Variants in PCGF2 observed in about 807,000 individuals in gnomAD.
The protein encoded by PCGF2 is polycomb group RING finger protein 2.
A neutral mutation model predicts 36.1 loss-of-function variants in PCGF2; 8 were observed. That is an observed-to-expected ratio of 0.22 (90% CI 0.13 to 0.40). The LOEUF (loss-of-function observed/expected upper bound fraction) is 0.40. PCGF2 is among the 10% of genes least tolerant of loss of function. The probability of loss-of-function intolerance (pLI) is 1.00; values close to 1 mark genes in which losing one functional copy is unlikely to be tolerated. For missense variants in PCGF2, 436 were observed against 475.9 expected (o/e 0.92, Z 0.78); for synonymous variants, 198 against 191.2 (o/e 1.04, Z -0.29).
At chr17:38,749,408 A>G (rs893356527), upstream of PCGF2, 28 of 308,060 alleles carry the variant, frequency 9.1e-5, no homozygotes, top group Non-Finnish European at 1.7e-4. The surrounding 1 kb of genome is among the most constrained non-coding windows in gnomAD (Gnocchi z 6.5). Context: ...GGAGGGAGAG[A>G]ACGAGGAGGG....
upstream of PCGF2, among the ~76,000 whole-genome samples, chr17:38,748,618 T>C (rs1328450504): frequency 6.6e-6 from 1 of 152,062 alleles, no homozygotes; most frequent in Non-Finnish European, 1.5e-5. Context: ...GATTCTCTTA[T>C]GTTACCTTCC....
upstream of PCGF2, among the ~76,000 whole-genome samples, chr17:38,749,065 G>C (rs1907750532): frequency 6.6e-6 from 1 of 152,150 alleles, no homozygotes; most frequent in Admixed American, 6.5e-5. This position sits in a 1 kb window ranked among gnomAD's most constrained non-coding sequence, Gnocchi z 6.5. Flanking sequence ...GGCGGAGGCT[G>C]CGCCCCCGGC....
At position 38,735,214 on chromosome 17, in the gene PCGF2, T is replaced by G. The variant is rs377749543; in HGVS notation, c.*9A>C. On this transcript the variant is annotated 3_prime_UTR_variant, in exon 11 of 11. Transcript: ENST00000620225. The stretch of plus-strand genomic sequence containing the variant: ...GGCTTGGCTGGAAGAAGGGAGAGGG[T>G]CCCTGGCCTCAAGTTAAGGGGGGCA... 2 of 1,396,522 alleles carry G rather than the reference T, an allele frequency of 1.4e-6. No homozygotes were observed. The highest frequency in any genetic ancestry group is 1.9e-6 in the Non-Finnish European group (2 of 1,065,098). The allele number at this position is 1,396,522 out of a possible 1,614,324, so 86.5% of individuals were successfully genotyped here.
chr17:38,739,133 C>A lies in PCGF2; in HGVS notation c.266-15G>T, dbSNP rs1906999478. 2 of 1,614,022 alleles carry A rather than the reference C, an allele frequency of 1.2e-6. No homozygotes were observed. The highest frequency in any genetic ancestry group is 8.5e-7 in the Non-Finnish European group (1 of 1,179,976). On this transcript the variant is annotated splice_polypyrimidine_tract_variant and intron_variant, in intron 5 of 10. Coordinates refer to ENST00000620225, the MANE Select transcript of PCGF2 (RefSeq NM_007144.3). The surrounding 1 kb of genome is among the most constrained non-coding windows in gnomAD (Gnocchi z 4.0). ...TTTCATCTCATCTGGAAGAAGGCAG[C>A]AGGATGAGGACAGGGCCATGGGTTG...
chr17:38,738,972 G>T, intron 6 of PCGF2, 96 bp downstream of exon 6: 1 of 1,536,438 alleles, frequency 6.5e-7, no homozygotes, highest in Non-Finnish European at 9.0e-7. Flanking sequence ...CTGGAGAGGT[G>T]TGCGCGGAGG....
At position 38,735,121 on chromosome 17, in the gene PCGF2, G is replaced by A; in HGVS notation, c.*102C>T. On this transcript the variant is annotated 3_prime_UTR_variant, in exon 11 of 11. Transcript: ENST00000620225. Reference sequence around the variant, plus strand: ...TATAAAACCCGCCCCCCACCCCCAAGGTGGGAAGAGCTGGGGAAAGTAGAA... The same window carrying A: ...TATAAAACCCGCCCCCCACCCCCAAAGTGGGAAGAGCTGGGGAAAGTAGAA... 1.1e-6 allele frequency: 1 copy of A among 935,842 alleles called. No individual in the cohort carries two copies. Among genetic ancestry groups the A allele is most frequent in the Non-Finnish European group, 1.4e-6 (1 of 692,276 alleles). The allele number at this position is 935,842 out of a possible 1,614,324, so 58.0% of individuals were successfully genotyped here.
chr17:38,739,685 TG>T lies in PCGF2; in HGVS notation c.113-4del, dbSNP rs777412982. ...GCGCACGATGCAGGTTTTGCAGACT[TG>T]GGGGTGTGGAGAGAGAGAGGAGAGT... On this transcript the variant is annotated splice_polypyrimidine_tract_variant and splice_region_variant and intron_variant, in intron 3 of 10. Coordinates refer to ENST00000620225, the MANE Select transcript of PCGF2 (RefSeq NM_007144.3). This position sits in a 1 kb window ranked among gnomAD's most constrained non-coding sequence, Gnocchi z 4.0. The T allele has an allele frequency of 7.4e-6, 12 of 1,612,016 alleles. No individual in the cohort carries two copies. The highest frequency in any genetic ancestry group is 1.6e-4 in the Middle Eastern group (1 of 6,074).
At position 38,733,940 on chromosome 17, in the gene PCGF2, T is replaced by A. The variant is rs967283559; in HGVS notation, c.*1283A>T. On this transcript the variant is annotated 3_prime_UTR_variant, in exon 11 of 11. Transcript: ENST00000620225. ...ATTACAAAGCCAAGAGATACAGATG[T>A]CCCAGGGCAAAGGAGGGTACAGTCA... The A allele has an allele frequency of 1.5e-4, 24 of 155,588 alleles. No homozygotes were observed. The highest frequency in any genetic ancestry group is 2.6e-4 in the Non-Finnish European group (18 of 70,326). 9.6% of individuals were successfully genotyped at this position (155,588 alleles called of 1,614,324 possible). A position where few individuals can be genotyped will look rare whatever the true frequency, so the allele number is the denominator to read the frequency against.
intron 2 of PCGF2, among the ~76,000 whole-genome samples, chr17:38,745,483 C>T (rs577228519): frequency 2.0e-5 from 3 of 152,242 alleles, no homozygotes; most frequent in Admixed American, 1.3e-4. Context: ...CCAAGCTGGG[C>T]CACAGAGTGA....
chr17:38,739,261 A>G lies in PCGF2; in HGVS notation c.210-8T>C, dbSNP rs72819704. 131,308 of 1,612,262 alleles carry G rather than the reference A, an allele frequency of 0.081. 5,981 individuals are homozygous for G. The highest frequency in any genetic ancestry group is 0.094 in the Non-Finnish European group (111,087 of 1,178,452). ...TGAAGTGTTTTGTCAGACCTGGGGA[A>G]AAATGGACAGGGCTTATCAGCAATG... On this transcript the variant is annotated splice_polypyrimidine_tract_variant and splice_region_variant and intron_variant, in intron 4 of 10. Coordinates refer to ENST00000620225, the MANE Select transcript of PCGF2 (RefSeq NM_007144.3). This position sits in a 1 kb window ranked among gnomAD's most constrained non-coding sequence, Gnocchi z 4.0.
chr17:38,745,658 C>T (rs897004185), intron 2 of PCGF2, among the ~76,000 whole-genome samples: 2 of 152,228 alleles, frequency 1.3e-5, no homozygotes, highest in Non-Finnish European at 2.9e-5. Context: ...GTGCTTTTAA[C>T]ATCCTGGCAC....
At chr17:38,736,750 C>T (rs1176281460) in intron 9 of PCGF2, among the ~76,000 whole-genome samples, 2 of 152,054 alleles carry the variant, frequency 1.3e-5, no homozygotes, top group Non-Finnish European at 2.9e-5. Context: ...AGGAGAATGG[C>T]GTGAACCCGG....
At chr17:38,748,694 C>G (rs1168132941), upstream of PCGF2, among the ~76,000 whole-genome samples, 1 of 152,180 alleles carries the variant, frequency 6.6e-6, no homozygotes, top group African/African-American at 2.4e-5. Flanking sequence ...CCATCCCTAA[C>G]TGGGGCGCCT....
In PCGF2 at chr17:38,739,402, C is replaced by T; in HGVS notation, c.210-149G>A. The T allele has an allele frequency of 3.3e-6, 3 of 906,524 alleles. No homozygotes were observed. The highest frequency in any genetic ancestry group is 5.4e-6 in the Non-Finnish European group (3 of 560,602). The allele number at this position is 906,524 out of a possible 1,614,324, so 56.2% of individuals were successfully genotyped here. A position where few individuals can be genotyped will look rare whatever the true frequency, so the allele number is the denominator to read the frequency against. On this transcript the variant is annotated intron_variant, in intron 4 of 10. Transcript: ENST00000620225. This position sits in a 1 kb window ranked among gnomAD's most constrained non-coding sequence, Gnocchi z 4.0. ...GGATCCCTGTGGGTCTGGTCTTTGCCCCTCTAGTATGCCTCACCCTGTGAT... is the reference window on the plus strand; with the variant it reads ...GGATCCCTGTGGGTCTGGTCTTTGCTCCTCTAGTATGCCTCACCCTGTGAT...
At chr17:38,735,892 A>G (rs1447316719) in intron 10 of PCGF2, among the ~76,000 whole-genome samples, 198 bp downstream of exon 10, 1 of 152,172 alleles carries the variant, frequency 6.6e-6, no homozygotes, top group Non-Finnish European at 1.5e-5. Context: ...CTGCCCAGGG[A>G]GCCTTGTCTC....
intron 2 of PCGF2, among the ~76,000 whole-genome samples, chr17:38,746,920 G>A (rs2011713): frequency 0.053 from 8,092 of 152,264 alleles, 263 homozygotes; most frequent in Non-Finnish European, 0.082. Flanking sequence ...AAGGGGGGAG[G>A]GAGGAGAGAA....
Position 38,734,515 on chromosome 17 carries a change from C to CCA in PCGF2, c.*706_*707dup, listed in dbSNP as rs959255899. The CCA allele has an allele frequency of 1.4e-5, 2 of 138,094 alleles. No homozygotes were observed. The highest frequency in any genetic ancestry group is 5.5e-5 in the African/African-American group (2 of 36,134). The allele number at this position is 138,094 out of a possible 1,614,324, so 8.6% of individuals were successfully genotyped here. A position where few individuals can be genotyped will look rare whatever the true frequency, so the allele number is the denominator to read the frequency against. On this transcript the variant is annotated 3_prime_UTR_variant, in exon 11 of 11. Transcript: ENST00000620225. ...TTCCACAAGATAAATGATGCAAAGG[C>CCA]CACACACACAGGAAAAAAAAAAAAA... is the stretch of plus-strand genomic sequence containing the variant.
At chr17:38,742,854 G>A (rs995723873) in intron 2 of PCGF2, among the ~76,000 whole-genome samples, 3 of 152,204 alleles carry the variant, frequency 2.0e-5, no homozygotes, top group Non-Finnish European at 4.4e-5. Context: ...AGTCATATGT[G>A]TGTCCAGATG....
At position 38,739,405 on chromosome 17, in the gene PCGF2, T is replaced by A; in HGVS notation, c.210-152A>T. ...TCCCTGTGGGTCTGGTCTTTGCCCC[T>A]CTAGTATGCCTCACCCTGTGATGAG... On this transcript the variant is annotated intron_variant, in intron 4 of 10. Transcript: ENST00000620225. The surrounding 1 kb of genome is among the most constrained non-coding windows in gnomAD (Gnocchi z 4.0). 1 of 897,202 alleles carries A rather than the reference T, an allele frequency of 1.1e-6. No individual in the cohort carries two copies. Among genetic ancestry groups the A allele is most frequent in the Non-Finnish European group, 1.8e-6 (1 of 552,722 alleles). 55.6% of individuals were successfully genotyped at this position (897,202 alleles called of 1,614,324 possible).
Sources: gnomAD v4.1 joint callset for allele counts (sites outside exome capture counted in the v4.1 genomes callset) on GRCh38, gnomAD v4.1.1 for gene constraint, Gnocchi (gnomAD v3.1) non-coding constraint, MANE v1.5 for transcripts, NCBI Gene and HGNC (gene_info 2026-07-23, HGNC 2026-07-21) for gene names.